The following ADAMTS6 variants were observed in gnomAD, a reference collection of about 807,000 sequenced individuals.
ADAMTS6 encodes ADAM metallopeptidase with thrombospondin type 1 motif 6.
In ADAMTS6, 23 loss-of-function variants were observed where a neutral mutation model predicts 144.3. The observed-to-expected ratio is 0.16, with a 90% confidence interval of 0.11 to 0.23. The LOEUF is 0.23. ADAMTS6 is among the 10% of genes least tolerant of loss of function. The pLI, the probability that ADAMTS6 is intolerant of heterozygous loss-of-function variation, is 1.00. For synonymous variants in ADAMTS6, 444 were observed against 457.5 expected (o/e 0.97, Z 0.38); for missense variants, 999 against 1,379.6 (o/e 0.72, Z 4.37).
intron 3 of ADAMTS6, among the ~76,000 whole-genome samples, chr5:65,467,446 T>C (rs1459194975): frequency 1.3e-4 from 19 of 151,922 alleles, no homozygotes; most frequent in Admixed American, 6.6e-5. Flanking sequence ...CTGAGGGAAA[T>C]TTTTTTTAAC....
rs149617147 is a variant in ADAMTS6 at position 65,448,256 on chromosome 5, C to T, written c.1073+3219G>A. Among the ~76,000 whole-genome samples the T allele has an allele frequency of 9.6e-4, 146 of 151,988 alleles. 1 individual carries two copies. The East Asian group carries it at 0.024, about 25-fold the overall frequency. ...TAGTCAGAGTGATCTGATAGCTTTG[C>T]GGATCACAGTTCGTTTTAAATGTAA... On this transcript the variant is annotated intron_variant, in intron 7 of 24. Coordinates refer to ENST00000381055, the MANE Select transcript of ADAMTS6 (RefSeq NM_197941.4).
At chr5:65,419,462 G>A (rs1253536859) in intron 7 of ADAMTS6, among the ~76,000 whole-genome samples, 1 of 152,090 alleles carries the variant, frequency 6.6e-6, no homozygotes, top group Non-Finnish European at 1.5e-5. Flanking sequence ...TTCACTACTT[G>A]GGTGACAGAA....
At chr5:65,308,024 C>T (rs1744104727) in intron 9 of ADAMTS6, among the ~76,000 whole-genome samples, 1 of 152,174 alleles carries the variant, frequency 6.6e-6, no homozygotes, top group Non-Finnish European at 1.5e-5. Context: ...TTTATCTAAG[C>T]TCTGATGCCA....
chr5:65,344,466 CTAAGTCAGGAAAGATA>C (rs371419068), intron 7 of ADAMTS6, among the ~76,000 whole-genome samples: 2,937 of 151,898 alleles, frequency 0.019, 94 homozygotes, highest in African/African-American at 0.067. Flanking sequence ...GAAAATCTTT[CTAAGTCAGGAAAGATA>C]TATGGATATC....
At chr5:65,463,274 G>C (rs1186259815) in intron 3 of ADAMTS6, among the ~76,000 whole-genome samples, 1 of 151,996 alleles carries the variant, frequency 6.6e-6, no homozygotes, top group Non-Finnish European at 1.5e-5. Flanking sequence ...AAAAATGAGG[G>C]AGCAAGCCAA....
chr5:65,319,517 C>CA (rs773263244), intron 9 of ADAMTS6, among the ~76,000 whole-genome samples: 7,279 of 124,532 alleles, frequency 0.058, 237 homozygotes, highest in East Asian at 0.12. Context: ...CCATATCTAC[C>CA]AAAAAAAAAA....
intron 14 of ADAMTS6, among the ~76,000 whole-genome samples, chr5:65,254,788 C>T (rs1281392819): frequency 6.6e-6 from 1 of 152,178 alleles, no homozygotes; most frequent in Non-Finnish European, 1.5e-5. Context: ...TATACCAAAA[C>T]TTTATATTAT....
chr5:65,333,480 TTTG>T (rs1290008726), intron 8 of ADAMTS6, among the ~76,000 whole-genome samples: 11 of 152,044 alleles, frequency 7.2e-5, no homozygotes, highest in African/African-American at 1.4e-4. Flanking sequence ...AAGATTATTT[TTTG>T]TTGTTGTTGT....
chr5:65,206,846 A>T (rs934354629), intron 20 of ADAMTS6, among the ~76,000 whole-genome samples: 6 of 105,252 alleles, frequency 5.7e-5, no homozygotes, highest in African/African-American at 1.2e-4. Context: ...TCTCACACAC[A>T]CACACACACA....
chr5:65,232,731 C>T (rs986272089), intron 15 of ADAMTS6, among the ~76,000 whole-genome samples: 19 of 150,014 alleles, frequency 1.3e-4, no homozygotes, highest in East Asian at 5.8e-4. Context: ...AATAAAAGTG[C>T]GATACCTTAT....
chr5:65,280,487 C>T (rs1356767038), intron 11 of ADAMTS6, among the ~76,000 whole-genome samples: 2 of 152,134 alleles, frequency 1.3e-5, no homozygotes, highest in East Asian at 1.9e-4. Flanking sequence ...TTTCTTTAGG[C>T]CTTTCTAAGA....
chr5:65,426,250 G>T (rs1451523958), intron 7 of ADAMTS6, among the ~76,000 whole-genome samples: 1 of 146,766 alleles, frequency 6.8e-6, no homozygotes, highest in Admixed American at 6.9e-5. Flanking sequence ...GTAGAGACAG[G>T]ATTTTGCCAT....
intron 9 of ADAMTS6, among the ~76,000 whole-genome samples, chr5:65,320,000 C>T (rs1319126340): frequency 6.6e-6 from 1 of 152,036 alleles, no homozygotes; most frequent in Non-Finnish European, 1.5e-5. Context: ...TGTGCCACCA[C>T]ACCTGGCTTA....
chr5:65,273,214 T>G (rs1762192103), intron 12 of ADAMTS6, 126 bp downstream of exon 12: 2 of 800,312 alleles, frequency 2.5e-6, no homozygotes, highest in African/African-American at 3.4e-5. Context: ...CCTATTGTTC[T>G]AGGAATTAAT....
chr5:65,471,688 G>A (rs568560596), intron 2 of ADAMTS6, among the ~76,000 whole-genome samples: 54 of 152,148 alleles, frequency 3.5e-4, no homozygotes, highest in East Asian at 5.8e-4. Flanking sequence ...AACCTGGGAG[G>A]TGGTGGTTGC....
At chr5:65,391,646 G>C (rs1752923767) in intron 7 of ADAMTS6, among the ~76,000 whole-genome samples, 1 of 151,580 alleles carries the variant, frequency 6.6e-6, no homozygotes, top group Admixed American at 6.6e-5. Flanking sequence ...ACAGGACCCA[G>C]TTTAGGGTTA....
intron 9 of ADAMTS6, among the ~76,000 whole-genome samples, chr5:65,315,383 A>G (rs1341059792): frequency 6.6e-6 from 1 of 152,104 alleles, no homozygotes; most frequent in Non-Finnish European, 1.5e-5. Flanking sequence ...GAGAAGAGAT[A>G]AAATGGAATC....
At chr5:65,436,208 AC>A (rs781094506) in intron 7 of ADAMTS6, among the ~76,000 whole-genome samples, 90 of 149,356 alleles carry the variant, frequency 6.0e-4, no homozygotes, top group Non-Finnish European at 1.0e-3. Flanking sequence ...AACAACATAG[AC>A]CCCCATCTCT....
chr5:65,454,516 C>T (rs140354337), intron 4 of ADAMTS6, among the ~76,000 whole-genome samples: 1 of 152,308 alleles, frequency 6.6e-6, no homozygotes, highest in Non-Finnish European at 1.5e-5. Flanking sequence ...GCCTCCATGA[C>T]CTCTGTCTCC....
Sources: allele counts gnomAD v4.1 joint callset (sites outside exome capture counted in the v4.1 genomes callset), GRCh38; gene constraint gnomAD v4.1.1; transcripts MANE v1.5; gene names NCBI Gene and HGNC (gene_info 2026-07-23, HGNC 2026-07-21).